The following CACNA2D3 variants were observed in gnomAD, a reference collection of about 807,000 sequenced individuals.
CACNA2D3 encodes the protein voltage-dependent calcium channel subunit alpha-2/delta-3.
Under a neutral mutation model 160.6 loss-of-function variants are expected in CACNA2D3, and 60 were observed. The ratio of observed to expected loss-of-function variants is 0.37; its 90% CI spans 0.30 to 0.46. The LOEUF (loss-of-function observed/expected upper bound fraction) is 0.46, where lower values mean the gene tolerates loss of function less well. Ranked by LOEUF, CACNA2D3 falls within the 20% of genes least tolerant of loss-of-function variation. The pLI is 1.00. For missense variants in CACNA2D3, 1,205 were observed against 1,365.0 expected (o/e 0.88, Z 1.85); for synonymous variants, 558 against 492.9 (o/e 1.13, Z -1.75).
At chr3:54,874,569 A>G (rs1575523854) in intron 18 of CACNA2D3, 1 of 152,246 alleles carries the variant, frequency 6.6e-6, no homozygotes, top group African/African-American at 2.4e-5. Flanking sequence ...ACTGCCATAT[A>G]TTAGCTCTTC....
intron 5 of CACNA2D3, among the ~76,000 whole-genome samples, chr3:54,506,071 A>C (rs934098238): frequency 1.3e-5 from 2 of 152,078 alleles, no homozygotes; most frequent in African/African-American, 4.8e-5. Context: ...GTCTTGTCTC[A>C]GCCAGGCAGT....
intron 4 of CACNA2D3, among the ~76,000 whole-genome samples, chr3:54,471,115 C>T (rs1700723161): frequency 6.6e-6 from 1 of 152,206 alleles, no homozygotes; most frequent in Non-Finnish European, 1.5e-5. Context: ...ACATCCTTCT[C>T]AGCACCACAT....
intron 2 of CACNA2D3, among the ~76,000 whole-genome samples, chr3:54,234,988 C>T (rs902799326): frequency 6.6e-6 from 1 of 152,130 alleles, no homozygotes; most frequent in African/African-American, 2.4e-5. Context: ...AACAAACCTT[C>T]ACATGTACCC....
At chr3:55,022,101 C>A (rs766939486) in intron 35 of CACNA2D3, among the ~76,000 whole-genome samples, 1 of 151,994 alleles carries the variant, frequency 6.6e-6, no homozygotes, top group Non-Finnish European at 1.5e-5. Context: ...CGTTTTTGTG[C>A]CATTCAATTC....
intron 14 of CACNA2D3, among the ~76,000 whole-genome samples, chr3:54,832,690 G>A (rs1296344980): frequency 6.6e-6 from 1 of 152,218 alleles, no homozygotes; most frequent in Non-Finnish European, 1.5e-5. Context: ...CTCACCGAAT[G>A]AGAGCCAGCA....
chr3:54,683,962 CTT>C (rs61481695), intron 11 of CACNA2D3, among the ~76,000 whole-genome samples: 1,327 of 110,608 alleles, frequency 0.012, 14 homozygotes, highest in African/African-American at 0.053. Flanking sequence ...AAATTTCCAC[CTT>C]TTTTTTTTTT....
Position 54,805,537 on chromosome 3 carries a change from C to A in CACNA2D3, c.1381-11316C>A, listed in dbSNP as rs901520438. 2.4e-4 allele frequency among the ~76,000 whole-genome samples: 36 copies of A among 152,218 alleles called. 1 individual carries two copies. Among genetic ancestry groups the A allele is most frequent in the South Asian group, 1.2e-3 (6 of 4,830 alleles). The stretch of plus-strand genomic sequence containing the variant: ...AATCTCTGAATAGACCAATAACAGG[C>A]TCTGAAATTGTGGCAATAATCAATA... On this transcript the variant is annotated intron_variant, in intron 13 of 37. Transcript: ENST00000474759.
At chr3:54,767,568 C>G (rs905075656) in intron 13 of CACNA2D3, among the ~76,000 whole-genome samples, 1 of 152,014 alleles carries the variant, frequency 6.6e-6, no homozygotes, top group Admixed American at 6.6e-5. Context: ...AGCAATGAGC[C>G]CATCCAGTAC....
intron 2 of CACNA2D3, among the ~76,000 whole-genome samples, chr3:54,318,405 C>T (rs1363207414): frequency 2.6e-5 from 4 of 152,162 alleles, no homozygotes; most frequent in Admixed American, 2.0e-4. Flanking sequence ...CATGAAACTA[C>T]AACTCATGAT....
chr3:54,428,227 C>T (rs1699937364), intron 4 of CACNA2D3, among the ~76,000 whole-genome samples: 1 of 152,218 alleles, frequency 6.6e-6, no homozygotes. Flanking sequence ...CTGCACACAA[C>T]AGTTAGACTT....
chr3:54,626,540 A>T (rs1371731104), intron 9 of CACNA2D3: 1 of 1,605,522 alleles, frequency 6.2e-7, no homozygotes, highest in Non-Finnish European at 8.5e-7. Context: ...ATCAAGCCCG[A>T]GATGATCGAC....
chr3:54,600,341 T>C lies in CACNA2D3; in HGVS notation c.963+18464T>C, dbSNP rs1241467316. On this transcript the variant is annotated intron_variant, in intron 9 of 37. Coordinates refer to ENST00000474759, the MANE Select transcript of CACNA2D3 (RefSeq NM_018398.3). ...ACAAAGCAGAAGGTATTTCTGCTTG[T>C]GTAACTGCCTCTTTCTTATCCTTAG... Among the ~76,000 whole-genome samples, 4 of 152,238 alleles carry C rather than the reference T, an allele frequency of 2.6e-5. No individual in the cohort carries two copies. In the East Asian group the frequency reaches 7.7e-4, roughly 29 times the overall value.
chr3:54,696,796 G>C (rs1236277717), intron 11 of CACNA2D3, among the ~76,000 whole-genome samples: 1 of 152,178 alleles, frequency 6.6e-6, no homozygotes, highest in Non-Finnish European at 1.5e-5. Context: ...TCATAAATTA[G>C]CCAGCAGTAT....
At chr3:54,954,016 A>G (rs968197306) in intron 27 of CACNA2D3, among the ~76,000 whole-genome samples, 5 of 152,176 alleles carry the variant, frequency 3.3e-5, no homozygotes, top group African/African-American at 7.2e-5. Flanking sequence ...TTTGAATTCA[A>G]CCTAATTTCC....
intron 35 of CACNA2D3, among the ~76,000 whole-genome samples, chr3:55,049,675 G>A (rs1328510220): frequency 3.4e-5 from 5 of 146,744 alleles, no homozygotes; most frequent in Admixed American, 2.0e-4. Context: ...TTTCTGTCTC[G>A]TTGATCTGTC....
rs1049960804 is a variant in CACNA2D3 at position 54,638,489 on chromosome 3, A to G, written c.1054-3639A>G. ...TAAAAAGATTATAGGGTGGAGGAGCAGAGGCTGAGGAAGAATTGGGACCTA... is the reference window on the plus strand; with the variant it reads ...TAAAAAGATTATAGGGTGGAGGAGCGGAGGCTGAGGAAGAATTGGGACCTA... On this transcript the variant is annotated intron_variant, in intron 10 of 37. Coordinates refer to ENST00000474759, the MANE Select transcript of CACNA2D3 (RefSeq NM_018398.3). 7 of 151,968 alleles carry G rather than the reference A, an allele frequency of 4.6e-5. No individual in the cohort carries two copies. In the South Asian group the frequency reaches 6.2e-4, roughly 14 times the overall value. 9.4% of individuals were successfully genotyped at this position (151,968 alleles called of 1,614,324 possible).
At chr3:54,743,183 T>C (rs546299286) in intron 11 of CACNA2D3, among the ~76,000 whole-genome samples, 18 of 152,340 alleles carry the variant, frequency 1.2e-4, no homozygotes, top group African/African-American at 4.3e-4. Flanking sequence ...GGTACTGAAT[T>C]GGGCACGGGT....
chr3:54,759,938 C>T (rs934709156), intron 12 of CACNA2D3, among the ~76,000 whole-genome samples: 1 of 152,198 alleles, frequency 6.6e-6, no homozygotes, highest in African/African-American at 2.4e-5. Context: ...TTCCCCTACA[C>T]GGTGAGCACA....
intron 3 of CACNA2D3, among the ~76,000 whole-genome samples, chr3:54,350,982 G>GTT (rs1491034355): frequency 4.9e-5 from 3 of 61,800 alleles, no homozygotes; most frequent in African/African-American, 6.6e-5. Flanking sequence ...TTTTTTTTTT[G>GTT]TTTGTTTTTT....
Sources: gnomAD v4.1 joint callset for allele counts (sites outside exome capture counted in the v4.1 genomes callset) on GRCh38, gnomAD v4.1.1 for gene constraint, MANE v1.5 for transcripts, NCBI Gene and HGNC (gene_info 2026-07-23, HGNC 2026-07-21) for gene names.